The following SH3GL3 variants were observed in gnomAD, a reference collection of about 807,000 sequenced individuals.
SH3GL3 encodes SH3 domain containing GRB2 like 3, endophilin A3.
SH3GL3 carries 33 observed loss-of-function variants against 47.7 expected under a neutral mutation model. The ratio of observed to expected loss-of-function variants is 0.69; its 90% confidence interval spans 0.52 to 0.92. The LOEUF (loss-of-function observed/expected upper bound fraction) is 0.92, where lower values mean the gene tolerates loss of function less well. SH3GL3 is among the 40% of genes least tolerant of loss of function. The pLI is 0.00. For missense variants in SH3GL3, 363 were observed against 417.8 expected, an observed-to-expected ratio of 0.87 and a Z score of 1.14; for synonymous variants, 155 against 148.8, an observed-to-expected ratio of 1.04 and a Z score of -0.30.
At chr15:83,601,454 C>G (rs549849365) in intron 8 of SH3GL3, among the ~76,000 whole-genome samples, 2 of 152,030 alleles carry the variant, frequency 1.3e-5, no homozygotes, top group Non-Finnish European at 2.9e-5. Flanking sequence ...TTGAGATGAT[C>G]GTGTAATTTT....
At chr15:83,464,498 T>A (rs1272421550) in intron 1 of SH3GL3, among the ~76,000 whole-genome samples, 1 of 152,198 alleles carries the variant, frequency 6.6e-6, no homozygotes, top group Non-Finnish European at 1.5e-5. Flanking sequence ...CAAATCTAAG[T>A]GCCTGCATCA....
chr15:83,562,436 A>G (rs2151749017), intron 2 of SH3GL3, among the ~76,000 whole-genome samples: 1 of 152,260 alleles, frequency 6.6e-6, no homozygotes, highest in South Asian at 2.1e-4. Context: ...GTGGCTTTTC[A>G]TGTCCAAAAA....
intron 1 of SH3GL3, among the ~76,000 whole-genome samples, chr15:83,553,980 T>C (rs1380746959): frequency 1.3e-5 from 2 of 152,062 alleles, no homozygotes; most frequent in Admixed American, 1.3e-4. Context: ...TATTTGAGTC[T>C]GTGAAGTCTG....
intron 1 of SH3GL3, among the ~76,000 whole-genome samples, chr15:83,458,215 T>G (rs2040093382): frequency 6.6e-6 from 1 of 152,216 alleles, no homozygotes. Context: ...AGTGTTGAGC[T>G]GAGGGGAGAG....
At chr15:83,523,699 C>T (rs1402469944) in intron 1 of SH3GL3, among the ~76,000 whole-genome samples, 1 of 152,156 alleles carries the variant, frequency 6.6e-6, no homozygotes, top group African/African-American at 2.4e-5. Flanking sequence ...ATAGCCTAAA[C>T]TATTGTTCTT....
intron 8 of SH3GL3, among the ~76,000 whole-genome samples, chr15:83,588,985 T>G (rs1030982871): frequency 1.3e-5 from 2 of 152,220 alleles, no homozygotes; most frequent in Admixed American, 1.3e-4. Context: ...TTTAGAACCT[T>G]GGCCATAGAA....
At chr15:83,614,608 A>G (rs1451038883) in intron 8 of SH3GL3, among the ~76,000 whole-genome samples, 1 of 152,180 alleles carries the variant, frequency 6.6e-6, no homozygotes, top group Non-Finnish European at 1.5e-5. Context: ...GAAACAAAAA[A>G]TACTGATGCC....
rs906634407 is a variant in SH3GL3, at chr15:83,458,891, G to C, written c.45+11313G>C. ...AATAGGTTAGATGTATATATGAAAG[G>C]GAGTTTATTAAGGAGTATTGACTCA... On this transcript the variant is annotated intron_variant, in intron 1 of 8. Coordinates refer to ENST00000427482, the MANE Select transcript of SH3GL3 (RefSeq NM_003027.5). Among the ~76,000 whole-genome samples, 55 of 152,196 alleles carry C rather than the reference G, an allele frequency of 3.6e-4. 1 individual carries two copies. The highest frequency in any genetic ancestry group is 1.3e-3 in the African/African-American group (53 of 41,440).
chr15:83,562,113 A>T (rs1305819552), intron 2 of SH3GL3, among the ~76,000 whole-genome samples: 7 of 150,212 alleles, frequency 4.7e-5, no homozygotes, highest in African/African-American at 7.4e-5. Flanking sequence ...TAGGAGGGAG[A>T]TTTTGTTTTT....
chr15:83,582,153 C>T (rs886725678), intron 6 of SH3GL3, among the ~76,000 whole-genome samples: 1 of 152,356 alleles, frequency 6.6e-6, no homozygotes, highest in East Asian at 1.9e-4. Context: ...CCTCTTCTGT[C>T]TTTGCAGAGA....
At chr15:83,528,995 T>C (rs538075364) in intron 1 of SH3GL3, among the ~76,000 whole-genome samples, 2 of 152,182 alleles carry the variant, frequency 1.3e-5, no homozygotes, top group Non-Finnish European at 2.9e-5. Flanking sequence ...TTTATGTTGA[T>C]GGTTAGGTAT....
chr15:83,579,047 GC>G lies in SH3GL3; in HGVS notation c.624+2307del, dbSNP rs370174939. 1.1e-4 allele frequency among the ~76,000 whole-genome samples: 16 copies of G among 152,312 alleles called. No homozygotes were observed. The East Asian group carries it at 2.9e-3, about 28-fold the overall frequency. On this transcript the variant is annotated intron_variant, in intron 6 of 8. Coordinates refer to ENST00000427482, the MANE Select transcript of SH3GL3 (RefSeq NM_003027.5). Reference sequence around the variant, plus strand: ...GCCTGTCTGAGCCACGCCGGCCTTAGCAGTTGACCCAAGAGACCTCAGTTTT... The same window carrying G: ...GCCTGTCTGAGCCACGCCGGCCTTAGAGTTGACCCAAGAGACCTCAGTTTT...
At chr15:83,551,199 A>G (rs1397696306) in intron 1 of SH3GL3, among the ~76,000 whole-genome samples, 1 of 152,186 alleles carries the variant, frequency 6.6e-6, no homozygotes, top group Non-Finnish European at 1.5e-5. Flanking sequence ...TATTGACAAA[A>G]TTAAAGCTGC....
intron 1 of SH3GL3, among the ~76,000 whole-genome samples, chr15:83,493,490 G>T (rs768737169): frequency 4.6e-5 from 7 of 152,142 alleles, no homozygotes; most frequent in Non-Finnish European, 8.8e-5. Flanking sequence ...CTCTGTCTTG[G>T]GGATCAGTGG....
downstream of SH3GL3, among the ~76,000 whole-genome samples, chr15:83,623,589 C>A (rs2060920729): frequency 2.6e-5 from 4 of 152,240 alleles, no homozygotes; most frequent in African/African-American, 7.2e-5. Context: ...CGCCTGCTAC[C>A]ATCTCGCAGG....
At chr15:83,554,321 G>A (rs2151730340) in intron 1 of SH3GL3, among the ~76,000 whole-genome samples, 1 of 152,252 alleles carries the variant, frequency 6.6e-6, no homozygotes, top group East Asian at 1.9e-4. Flanking sequence ...CTGAGTAGCT[G>A]GGATTACAGG....
At chr15:83,509,410 T>C (rs1165287770) in intron 1 of SH3GL3, among the ~76,000 whole-genome samples, 1 of 152,272 alleles carries the variant, frequency 6.6e-6, no homozygotes, top group Non-Finnish European at 1.5e-5. Context: ...GCTGTGGCTT[T>C]CTGGCTTTAA....
intron 1 of SH3GL3, among the ~76,000 whole-genome samples, chr15:83,477,398 C>G (rs1009462373): frequency 6.6e-6 from 1 of 152,030 alleles, no homozygotes; most frequent in Admixed American, 6.6e-5. Context: ...CTTACTTTTC[C>G]CAGAGCTCAA....
chr15:83,610,510 A>G (rs1465038989), intron 8 of SH3GL3, among the ~76,000 whole-genome samples: 1 of 152,188 alleles, frequency 6.6e-6, no homozygotes, highest in Admixed American at 6.5e-5. Flanking sequence ...AGCTCGAGGA[A>G]CAGAGCAAGA....
Sources: allele counts gnomAD v4.1 joint callset (sites outside exome capture counted in the v4.1 genomes callset), GRCh38; gene constraint gnomAD v4.1.1; transcripts MANE v1.5; gene names NCBI Gene and HGNC (gene_info 2026-07-23, HGNC 2026-07-21).